ARID1B: variants seen among roughly 807,000 people sequenced by gnomAD.
The protein encoded by ARID1B is AT-rich interaction domain 1B, also known as AT-rich interactive domain-containing protein 1B.
A neutral mutation model predicts 212.3 loss-of-function variants in ARID1B; 30 were observed. The observed-to-expected ratio is 0.14, with a 90% CI of 0.11 to 0.19. ARID1B has a LOEUF of 0.19. Ranked by LOEUF, ARID1B falls within the 10% of genes least tolerant of loss-of-function variation. The pLI is 1.00. For synonymous variants in ARID1B, 1,402 were observed against 1,301.7 expected, an observed-to-expected ratio of 1.08 and a Z score of -1.66; for missense variants, 2,891 against 3,204.0, an observed-to-expected ratio of 0.90 and a Z score of 2.36.
chr6:157,044,958 A>T (rs899483242), intron 4 of ARID1B, among the ~76,000 whole-genome samples: 1 of 152,218 alleles, frequency 6.6e-6, no homozygotes, highest in African/African-American at 2.4e-5. Context: ...AGTTTTTAGC[A>T]TAACAGCCAT....
intron 4 of ARID1B, among the ~76,000 whole-genome samples, chr6:157,055,664 G>A (rs1782912786): frequency 6.6e-6 from 1 of 152,146 alleles, no homozygotes; most frequent in South Asian, 2.1e-4. Context: ...CCCAAATTCA[G>A]CAGTTTAAAA....
intron 5 of ARID1B, among the ~76,000 whole-genome samples, chr6:157,109,902 C>A (rs1041309380): frequency 3.3e-5 from 5 of 152,160 alleles, no homozygotes; most frequent in African/African-American, 1.2e-4. Context: ...CAATAAAGAT[C>A]AAAAGAGATG....
Position 157,133,105 on chromosome 6 carries a change from C to T in ARID1B, c.2659C>T (p.His887Tyr), listed in dbSNP as rs1288082874. Residue 887 changes from histidine to tyrosine, a missense_variant, in exon 7 of 20, where the codon CAT (histidine) becomes TAT (tyrosine). This residue lies in a region of ARID1B where 1,643 missense variants were observed against 1,544.0 expected (regional missense o/e 1.06). Transcript: ENST00000636930. ...PQQTGPSMSP[H>Y]PSPGGQMHAG... ...ACAGACAGGACCATCCATGTCGCCT[C>T]ATCCTTCTCCTGGGGGCCAGATGCA... is the stretch of plus-strand genomic sequence containing the variant. 6.2e-7 allele frequency: 1 copy of T among 1,614,198 alleles called. No homozygotes were observed.
chr6:157,196,007 G>C, intron 15 of ARID1B, 158 bp from the exon 16 acceptor site: 1 of 857,712 alleles, frequency 1.2e-6, no homozygotes, highest in Non-Finnish European at 1.7e-6. Context: ...GTTGCAGTGA[G>C]CCAAGATCAC....
intron 4 of ARID1B, among the ~76,000 whole-genome samples, chr6:157,064,200 G>A (rs962069843): frequency 3.9e-5 from 6 of 152,162 alleles, no homozygotes; most frequent in East Asian, 1.9e-4. Context: ...TCAGCCCCTC[G>A]TTTGACTGAT....
At chr6:156,935,895 A>G (rs1199215631) in intron 4 of ARID1B, 1 of 282,636 alleles carries the variant, frequency 3.5e-6, no homozygotes, top group Non-Finnish European at 6.7e-6. Context: ...TTTGGCAGCG[A>G]TACAGAACAG....
Position 157,177,859 on chromosome 6 carries a change from G to A in ARID1B, c.3504+2854G>A, listed in dbSNP as rs186529864. On this transcript the variant is annotated intron_variant, in intron 11 of 19. Coordinates refer to ENST00000636930, the MANE Select transcript of ARID1B (RefSeq NM_001374828.1). ...CTGGGAAAAGTGAACCCGTCTTTCC[G>A]AAGGGCGAGTTTGTTTGCCTACTGT... Among the ~76,000 whole-genome samples, 23 of 152,302 alleles carry A rather than the reference G, an allele frequency of 1.5e-4. No homozygotes were observed. In the East Asian group the frequency reaches 2.3e-3, roughly 15 times the overall value.
rs1785476805 is a variant in ARID1B at position 157,094,387 on chromosome 6, C to T, written c.2491+9482C>T. ...TACTTCTTTTTGAGAAGGAGTCTCA[C>T]TCTGTCTTCCAGGCTAGAGTACAGT... On this transcript the variant is annotated intron_variant, in intron 5 of 19. Coordinates refer to ENST00000636930, the MANE Select transcript of ARID1B (RefSeq NM_001374828.1). The surrounding 1 kb of genome is among the most constrained non-coding windows in gnomAD (Gnocchi z 4.3). Among the ~76,000 whole-genome samples the T allele has an allele frequency of 6.6e-6, 1 of 152,120 alleles. No individual in the cohort carries two copies. Among genetic ancestry groups the T allele is most frequent in the Non-Finnish European group, 1.5e-5 (1 of 68,022 alleles).
intron 1 of ARID1B, among the ~76,000 whole-genome samples, chr6:156,789,458 G>A (rs1779872309): frequency 6.6e-6 from 1 of 152,064 alleles, no homozygotes. Context: ...CTGGGTGATG[G>A]GATTCTTTGG....
chr6:157,134,152 C>T (rs1788745744), intron 7 of ARID1B, among the ~76,000 whole-genome samples: 3 of 152,174 alleles, frequency 2.0e-5, no homozygotes, highest in Non-Finnish European at 2.9e-5. Context: ...TACAACAAAA[C>T]CAGGTTTGCC....
At chr6:157,023,809 A>G (rs1780477837) in intron 4 of ARID1B, 1 of 152,220 alleles carries the variant, frequency 6.6e-6, no homozygotes. Flanking sequence ...CCTACCTAAT[A>G]TAATGAGTGT....
At chr6:156,841,849 C>G (rs1292624071) in intron 2 of ARID1B, among the ~76,000 whole-genome samples, 2 of 152,130 alleles carry the variant, frequency 1.3e-5, no homozygotes, top group African/African-American at 4.8e-5. Context: ...ATTTACATGC[C>G]TACTAAGTGC....
intron 18 of ARID1B, among the ~76,000 whole-genome samples, chr6:157,202,744 GATATAA>G (rs1012395715): frequency 5.4e-5 from 8 of 149,234 alleles, no homozygotes; most frequent in East Asian, 1.9e-4. Context: ...TATATAGATA[GATATAA>G]ATATAGATAT....
intron 4 of ARID1B, among the ~76,000 whole-genome samples, chr6:157,076,190 G>A (rs1784293871): frequency 6.6e-6 from 1 of 152,192 alleles, no homozygotes; most frequent in Admixed American, 6.5e-5. Context: ...ATGTGAATGG[G>A]TAGAATATCA....
At chr6:156,888,292 T>C (rs1787672414) in intron 2 of ARID1B, among the ~76,000 whole-genome samples, 1 of 152,210 alleles carries the variant, frequency 6.6e-6, no homozygotes, top group Non-Finnish European at 1.5e-5. Flanking sequence ...CACTTCTGCT[T>C]CCCGAGTGTT....
At chr6:156,831,598 A>G (rs1351456163) in intron 2 of ARID1B, among the ~76,000 whole-genome samples, 1 of 152,218 alleles carries the variant, frequency 6.6e-6, no homozygotes, top group Non-Finnish European at 1.5e-5. Context: ...TTCTTTTCTA[A>G]ATGTGTAAAG....
chr6:157,186,639 C>T (rs900668795), intron 13 of ARID1B: 2 of 405,780 alleles, frequency 4.9e-6, no homozygotes, highest in African/African-American at 2.1e-5. Context: ...GTTAGAGTCT[C>T]ATTTATTACA....
chr6:157,152,799 T>C (rs772549957), intron 8 of ARID1B, among the ~76,000 whole-genome samples: 7 of 152,226 alleles, frequency 4.6e-5, no homozygotes, highest in Non-Finnish European at 8.8e-5. Context: ...TGAAGTTAGG[T>C]TGGCGATTAG....
chr6:156,911,325 A>G (rs1201746506), intron 3 of ARID1B, among the ~76,000 whole-genome samples: 1 of 150,436 alleles, frequency 6.6e-6, no homozygotes, highest in Non-Finnish European at 1.5e-5. Flanking sequence ...TTCTAGACTC[A>G]GCTAAATAAT....
Sources: gnomAD v4.1 joint callset for allele counts (sites outside exome capture counted in the v4.1 genomes callset) on GRCh38, gnomAD v4.1.1 for gene constraint, gnomAD v4.1.1 regional missense constraint, Gnocchi (gnomAD v3.1) non-coding constraint, MANE v1.5 for transcripts, NCBI Gene and HGNC (gene_info 2026-07-23, HGNC 2026-07-21) for gene names.